Variants in CLIP1 observed in about 807,000 individuals in gnomAD.
The protein encoded by CLIP1 is CAP-Gly domain-containing linker protein 1.
A neutral mutation model predicts 161.6 loss-of-function variants in CLIP1; 66 were observed. The ratio of observed to expected loss-of-function variants is 0.41; its 90% CI spans 0.33 to 0.50. The LOEUF is 0.50. Among genes scored for constraint, CLIP1 ranks in the 20% least tolerant of loss-of-function variants. CLIP1 has a pLI of 0.27. For synonymous variants in CLIP1, 598 were observed against 626.2 expected (o/e 0.96, Z 0.67); for missense variants, 1,376 against 1,702.0 (o/e 0.81, Z 3.37).
In CLIP1 at chr12:122,323,102, A is replaced by G. The variant is rs1012693477; in HGVS notation, c.3250-3754T>C. On this transcript the variant is annotated intron_variant, in intron 17 of 25. Transcript: ENST00000620786. The surrounding 1 kb of genome is among the most constrained non-coding windows in gnomAD (Gnocchi z 4.1). The stretch of plus-strand genomic sequence containing the variant: ...ATCACATTGCCTTTTGAGGTCTCCT[A>G]TGGCTTTGATGGAATTCTCTCTCTC... 4 of 152,560 alleles carry G rather than the reference A, an allele frequency of 2.6e-5. No individual in the cohort carries two copies. The highest frequency in any genetic ancestry group is 1.3e-4 in the Admixed American group (2 of 15,254). 9.5% of individuals were successfully genotyped at this position (152,560 alleles called of 1,614,324 possible).
chr12:122,346,354 G>GT (rs1236859958), intron 10 of CLIP1, among the ~76,000 whole-genome samples: 1 of 152,206 alleles, frequency 6.6e-6, no homozygotes, highest in Non-Finnish European at 1.5e-5. Context: ...CTGGCATGAA[G>GT]TATGCACTAT....
intron 10 of CLIP1, 58 bp from the exon 11 acceptor site, chr12:122,341,755 T>G (rs1952509157): frequency 2.5e-6 from 1 of 397,960 alleles, no homozygotes; most frequent in Non-Finnish European, 4.0e-6. Flanking sequence ...ATTGACTATT[T>G]TCTTTTCTTT....
rs199619793 is a variant in CLIP1, at chr12:122,328,372, A to T, written c.2922T>A (p.Phe974Leu). Residue 974 changes from phenylalanine (F) to leucine (L), a missense_variant, in exon 16 of 26, where the codon TTT (phenylalanine) becomes TTA (leucine). By Grantham distance (22) the Phe-to-Leu change is conservative (BLOSUM62 0). This residue lies in a region of CLIP1 where 948 missense variants were observed against 1,134.8 expected (regional missense o/e 0.84). Coordinates refer to ENST00000620786, the MANE Select transcript of CLIP1 (RefSeq NM_001247997.2). ...TCATGTCCTCAATACTTTTTTGCAG[A>T]AAACTTGCATTTTCATTAGCCTTTG... is the stretch of plus-strand genomic sequence containing the variant. Reference protein sequence around the residue: ...KLTKANENASFLQKSIEDMTV... With the variant: ...KLTKANENASLLQKSIEDMTV... The T allele has an allele frequency of 1.5e-4, 241 of 1,612,434 alleles. No homozygotes were observed. The highest frequency in any genetic ancestry group is 2.0e-4 in the Non-Finnish European group (233 of 1,179,628).
intron 1 of CLIP1, among the ~76,000 whole-genome samples, chr12:122,409,332 G>C (rs1318972637): frequency 1.3e-5 from 2 of 151,112 alleles, no homozygotes; most frequent in Non-Finnish European, 2.9e-5. Context: ...CACCATGTTG[G>C]CTAGGCTGGT....
intron 21 of CLIP1, among the ~76,000 whole-genome samples, chr12:122,281,353 G>A (rs1439666643): frequency 6.6e-6 from 1 of 152,064 alleles, no homozygotes; most frequent in Admixed American, 6.5e-5. Flanking sequence ...TTTGCCACCT[G>A]GGAAGTAAAA....
intron 1 of CLIP1, among the ~76,000 whole-genome samples, chr12:122,382,102 CTG>C (rs1337164047): frequency 2.6e-5 from 4 of 152,168 alleles, no homozygotes; most frequent in Admixed American, 2.6e-4. Flanking sequence ...TGGCTCACAC[CTG>C]TAATCCCAGC....
chr12:122,279,177 A>G lies in CLIP1; in HGVS notation c.3648-32T>C, dbSNP rs932634233. 1 of 1,459,192 alleles carries G rather than the reference A, an allele frequency of 6.9e-7. No homozygotes were observed. The highest frequency in any genetic ancestry group is 1.4e-5 in the African/African-American group (1 of 71,182). The allele number at this position is 1,459,192 out of a possible 1,614,324, so 90.4% of individuals were successfully genotyped here. Reference sequence around the variant, plus strand: ...GACCAAAGAGTTAAAAGTTCCACAAATCAACCGAAAGACTGGTCAGTGTAC... The same window carrying G: ...GACCAAAGAGTTAAAAGTTCCACAAGTCAACCGAAAGACTGGTCAGTGTAC... On this transcript the variant is annotated intron_variant, in intron 21 of 25. Transcript: ENST00000620786. This position sits in a 1 kb window ranked among gnomAD's most constrained non-coding sequence, Gnocchi z 4.5.
rs115231960 is a variant in CLIP1 at position 122,319,187 on chromosome 12, T to C, written c.3366+45A>G. 9.3e-4 allele frequency: 1,204 copies of C among 1,293,286 alleles called. 12 individuals carry two copies. The African/African-American group carries it at 0.012, about 13-fold the overall frequency. 80.1% of individuals were successfully genotyped at this position (1,293,286 alleles called of 1,614,324 possible). ...GTCAGTGACCAAACATTCTACCAAG[T>C]TGGTAAGCTGTTCTTTGTATAAAAA... On this transcript the variant is annotated intron_variant, in intron 18 of 25. Coordinates refer to ENST00000620786, the MANE Select transcript of CLIP1 (RefSeq NM_001247997.2).
Position 122,279,075 on chromosome 12 carries a change from C to G in CLIP1, c.3718G>C (p.Ala1240Pro). The change falls in exon 22 of 26, where the codon GCC becomes CCC. Residue 1240 changes from alanine to proline, a missense_variant. Around this residue, in one of 6 missense-constraint regions of CLIP1, gnomAD observed 948 missense variants for 1,134.8 expected, o/e 0.84. Coordinates refer to ENST00000620786, the MANE Select transcript of CLIP1 (RefSeq NM_001247997.2). The surrounding 1 kb of genome is among the most constrained non-coding windows in gnomAD (Gnocchi z 4.5). ...TCGGCATCCTTTTCTGTGAGTAAGG[C>G]ACTAGTTATACTGATGGATTTCTGC... ...SLQKSISITSALLTEKDAELE... is the reference protein window; with the variant it reads ...SLQKSISITSPLLTEKDAELE... 1 of 1,613,646 alleles carries G rather than the reference C, an allele frequency of 6.2e-7. No individual in the cohort carries two copies. Among genetic ancestry groups the G allele is most frequent in the Non-Finnish European group, 8.5e-7 (1 of 1,179,896 alleles).
intron 15 of CLIP1, among the ~76,000 whole-genome samples, chr12:122,328,797 G>A (rs1951813633): frequency 6.6e-6 from 1 of 152,156 alleles, no homozygotes; most frequent in Admixed American, 6.5e-5. Flanking sequence ...TAGCCAGGAT[G>A]GTCTCGATCT....
At chr12:122,388,541 T>G (rs1280174519) in intron 1 of CLIP1, among the ~76,000 whole-genome samples, 1 of 152,040 alleles carries the variant, frequency 6.6e-6, no homozygotes, top group Admixed American at 6.6e-5. Context: ...TAACAAGCCT[T>G]CAGGCTATTT....
intron 5 of CLIP1, among the ~76,000 whole-genome samples, chr12:122,359,090 TAAAG>T (rs946725752): frequency 7.3e-5 from 11 of 151,022 alleles, no homozygotes; most frequent in African/African-American, 2.5e-4. Context: ...TAAAAACAAA[TAAAG>T]AATGAATTAA....
chr12:122,383,356 C>T (rs1382906876), intron 1 of CLIP1, among the ~76,000 whole-genome samples: 1 of 152,224 alleles, frequency 6.6e-6, no homozygotes, highest in East Asian at 1.9e-4. Context: ...GGCCACAAGA[C>T]CTAACAAGGG....
intron 1 of CLIP1, among the ~76,000 whole-genome samples, chr12:122,410,432 T>C (rs1451602850): frequency 1.3e-5 from 2 of 150,486 alleles, no homozygotes; most frequent in African/African-American, 2.4e-5. Context: ...CACACACACA[T>C]ATATATACAC....
chr12:122,368,788 G>A (rs954556589), intron 3 of CLIP1, among the ~76,000 whole-genome samples: 2 of 151,702 alleles, frequency 1.3e-5, no homozygotes, highest in Admixed American at 6.6e-5. Flanking sequence ...AAAATTAGTC[G>A]GGCATGGTGG....
intron 5 of CLIP1, among the ~76,000 whole-genome samples, chr12:122,357,557 G>T (rs1469194446): frequency 1.2e-4 from 9 of 76,364 alleles, no homozygotes; most frequent in African/African-American, 4.8e-4. Flanking sequence ...GGAGGGAGGT[G>T]GGGGGGGTCA....
In CLIP1 at chr12:122,377,848, C is replaced by G. The variant is rs762418091; in HGVS notation, c.198G>C (p.Val66=). The G allele has an allele frequency of 6.2e-7, 1 of 1,614,036 alleles. No homozygotes were observed. The highest frequency in any genetic ancestry group is 2.2e-5 in the East Asian group (1 of 44,858). ...GGATAAATCCAGGCTTATTTCCATT[C>G]ACCCAAACTCGCTCCCCAACTCGAA... ...DDFRVGERVW[V]NGNKPGFIQF... The change falls in exon 3 of 26, where the codon GTG becomes GTC. Residue 66 remains valine (V), a synonymous_variant. Transcript: ENST00000620786.
At position 122,355,356 on chromosome 12, in the gene CLIP1, G is replaced by A. The variant is rs78645399; in HGVS notation, c.1006-44C>T. On this transcript the variant is annotated intron_variant, in intron 5 of 25. Coordinates refer to ENST00000620786, the MANE Select transcript of CLIP1 (RefSeq NM_001247997.2). The surrounding 1 kb of genome is among the most constrained non-coding windows in gnomAD (Gnocchi z 4.1). ...GAAATGAAGGGCGATGATGCTGTCA[G>A]AAAAGCGAGGGAGGCGCGATGCATG... The A allele has an allele frequency of 6.4e-7, 1 of 1,572,068 alleles. No homozygotes were observed. The highest frequency in any genetic ancestry group is 8.7e-7 in the Non-Finnish European group (1 of 1,145,796).
At chr12:122,332,942 A>C in intron 15 of CLIP1, 45 bp downstream of exon 15, 1 of 1,545,414 alleles carries the variant, frequency 6.5e-7, no homozygotes, top group Non-Finnish European at 8.8e-7. Context: ...AGCTTGCCGC[A>C]GAGCCTAACC....
Sources: allele counts gnomAD v4.1 joint callset (sites outside exome capture counted in the v4.1 genomes callset), GRCh38; gene constraint gnomAD v4.1.1; regional missense constraint gnomAD v4.1.1; non-coding constraint Gnocchi (gnomAD v3.1); transcripts MANE v1.5; gene names NCBI Gene and HGNC (gene_info 2026-07-23, HGNC 2026-07-21).